Variants in GSK3B observed in about 807,000 individuals in gnomAD.
GSK3B encodes the protein glycogen synthase kinase-3 beta.
In GSK3B, 15 loss-of-function variants were observed where a neutral mutation model predicts 56.4. The ratio of observed to expected loss-of-function variants is 0.27; its 90% CI spans 0.18 to 0.41. The LOEUF (loss-of-function observed/expected upper bound fraction) is 0.41, where lower values mean the gene tolerates loss of function less well. GSK3B is among the 10% of genes least tolerant of loss of function. The pLI, the probability that GSK3B is intolerant of heterozygous loss-of-function variation, is 1.00. For synonymous variants in GSK3B, 181 were observed against 188.9 expected (o/e 0.96, Z 0.34); for missense variants, 300 against 513.4 (o/e 0.58, Z 4.02).
rs2055420702 is a variant in GSK3B at position 119,822,253 on chromosome 3, A to G, written c.*4535T>C. On this transcript the variant is annotated 3_prime_UTR_variant, in exon 11 of 11. Coordinates refer to ENST00000264235, the MANE Select transcript of GSK3B (RefSeq NM_001146156.2). ...ACAACCCACAGTCCTTTATATATAT[A>G]TATATATATATATAATAAATTTTGT... 1 of 169,430 alleles carries G rather than the reference A, an allele frequency of 5.9e-6. No homozygotes were observed. The highest frequency in any genetic ancestry group is 2.4e-5 in the African/African-American group (1 of 41,548). The allele number at this position is 169,430 out of a possible 1,614,324, so 10.5% of individuals were successfully genotyped here. A position where few individuals can be genotyped will look rare whatever the true frequency, so the allele number is the denominator to read the frequency against.
Position 119,823,929 on chromosome 3 carries a change from A to C in GSK3B, c.*2859T>G, listed in dbSNP as rs1000840832. On this transcript the variant is annotated 3_prime_UTR_variant, in exon 11 of 11. Coordinates refer to ENST00000264235, the MANE Select transcript of GSK3B (RefSeq NM_001146156.2). ...TAAAAAAGAACAAATTAAAAAAAAA[A>C]ACACATGGAAGCGAAGGCACTCCAA... 5 of 197,314 alleles carry C rather than the reference A, an allele frequency of 2.5e-5. No homozygotes were observed. The highest frequency in any genetic ancestry group is 4.2e-5 in the Non-Finnish European group (4 of 95,194). The allele number at this position is 197,314 out of a possible 1,614,324, so 12.2% of individuals were successfully genotyped here. A position where few individuals can be genotyped will look rare whatever the true frequency, so the allele number is the denominator to read the frequency against.
At chr3:119,995,162 C>CA (rs1365906440) in intron 2 of GSK3B, among the ~76,000 whole-genome samples, 2,634 of 67,672 alleles carry the variant, frequency 0.039, 84 homozygotes, top group African/African-American at 0.12. Context: ...ACTGTCTCTA[C>CA]AAAAAAAAAA....
chr3:120,006,719 G>A (rs1019870562), intron 1 of GSK3B, among the ~76,000 whole-genome samples: 1 of 152,100 alleles, frequency 6.6e-6, no homozygotes, highest in Admixed American at 6.6e-5. Context: ...AAACTAATGA[G>A]AACAAAGACA....
chr3:120,007,667 C>G (rs557349876), intron 1 of GSK3B, among the ~76,000 whole-genome samples: 47 of 152,250 alleles, frequency 3.1e-4, no homozygotes, highest in African/African-American at 1.1e-3. Context: ...TGACAAAAAC[C>G]ACATGATTAT....
intron 1 of GSK3B, among the ~76,000 whole-genome samples, chr3:120,053,774 T>G (rs775327779): frequency 1.3e-5 from 2 of 152,170 alleles, no homozygotes; most frequent in Non-Finnish European, 2.9e-5. Context: ...TTATGAGATC[T>G]GATGGTTTTA....
rs201917154 is a variant in GSK3B at position 119,979,393 on chromosome 3, C to T, written c.282+22653G>A. Among the ~76,000 whole-genome samples, 10 of 152,146 alleles carry T rather than the reference C, an allele frequency of 6.6e-5. No homozygotes were observed. The East Asian group carries it at 9.7e-4, about 15-fold the overall frequency. ...GATGAACCCTCTCTGTATTCTTATC[C>T]CCCTGCATCTGCTCCTAGCCTGTCC... On this transcript the variant is annotated intron_variant, in intron 2 of 10. Transcript: ENST00000264235.
chr3:119,831,424 G>A (rs1302410176), intron 10 of GSK3B, among the ~76,000 whole-genome samples: 2 of 152,136 alleles, frequency 1.3e-5, no homozygotes, highest in East Asian at 1.9e-4. Flanking sequence ...TTGGGAGGCC[G>A]AGGTGGGCGG....
At chr3:119,915,550 C>T (rs900812244) in intron 5 of GSK3B, among the ~76,000 whole-genome samples, 1 of 149,732 alleles carries the variant, frequency 6.7e-6, no homozygotes, top group African/African-American at 2.4e-5. Context: ...TGTGTGTGTA[C>T]ATATATATAT....
At chr3:119,937,994 C>T (rs899723269) in intron 3 of GSK3B, among the ~76,000 whole-genome samples, 3 of 150,568 alleles carry the variant, frequency 2.0e-5, no homozygotes, top group East Asian at 3.9e-4. Flanking sequence ...TACAAATAAT[C>T]GTATGTTAAC....
chr3:119,939,847 T>C (rs1308544343), intron 3 of GSK3B, among the ~76,000 whole-genome samples: 1 of 152,092 alleles, frequency 6.6e-6, no homozygotes, highest in African/African-American at 2.4e-5. Flanking sequence ...GGTAGAGATT[T>C]CTGGTTGGTA....
At chr3:119,966,912 T>C (rs1180758428) in intron 2 of GSK3B, among the ~76,000 whole-genome samples, 2 of 152,084 alleles carry the variant, frequency 1.3e-5, no homozygotes, top group African/African-American at 4.8e-5. Context: ...CATTCAGGAA[T>C]AAATTTAACA....
chr3:120,023,200 A>T (rs2057894004), intron 1 of GSK3B, among the ~76,000 whole-genome samples: 1 of 150,616 alleles, frequency 6.6e-6, no homozygotes, highest in Admixed American at 6.6e-5. Flanking sequence ...CATTGAACAC[A>T]TACTCATTTA....
In GSK3B at chr3:120,002,174, G is replaced by T. The variant is rs999399448; in HGVS notation, c.154C>A (p.Gln52Lys). ...ATPGQGPDRP[Q>K]EVSYTDTKVI... Reference sequence around the variant, plus strand: ...TTAGTGTCTGTATAGCTGACTTCTTGTGGCCTGTCTGGACCCTGCCCAGGA... The same window carrying T: ...TTAGTGTCTGTATAGCTGACTTCTTTTGGCCTGTCTGGACCCTGCCCAGGA... Residue 52 changes from glutamine (Q) to lysine (K), a missense_variant, in exon 2 of 11, where the codon CAA becomes AAA. Gln to Lys is a moderately conservative substitution (Grantham distance 53). Around this residue, in one of 6 missense-constraint regions of GSK3B, gnomAD observed 53 missense variants for 64.6 expected, o/e 0.82. Transcript: ENST00000264235. The T allele has an allele frequency of 4.3e-6, 7 of 1,610,142 alleles. No individual in the cohort carries two copies. The African/African-American group carries it at 9.4e-5, about 22-fold the overall frequency.
intron 10 of GSK3B, among the ~76,000 whole-genome samples, chr3:119,832,029 A>G (rs1194555510): frequency 2.0e-5 from 3 of 152,244 alleles, no homozygotes; most frequent in Non-Finnish European, 4.4e-5. Context: ...AATGCAGTCC[A>G]TTCCCACACT....
chr3:119,842,461 A>T (rs1053727087), intron 10 of GSK3B, among the ~76,000 whole-genome samples: 6 of 152,098 alleles, frequency 3.9e-5, no homozygotes, highest in Non-Finnish European at 8.8e-5. Context: ...TCTTGAAAAT[A>T]TTTGCCTCTC....
At chr3:119,971,634 C>T (rs1424703278) in intron 2 of GSK3B, among the ~76,000 whole-genome samples, 4 of 48,650 alleles carry the variant, frequency 8.2e-5, no homozygotes, top group African/African-American at 4.7e-4. Flanking sequence ...TTTTTTGAGA[C>T]GGAGTCTCGC....
At chr3:120,033,379 T>C (rs2057994299) in intron 1 of GSK3B, among the ~76,000 whole-genome samples, 1 of 152,240 alleles carries the variant, frequency 6.6e-6, no homozygotes, top group Non-Finnish European at 1.5e-5. Flanking sequence ...TCTATGTGTG[T>C]ATTTTAAGAA....
chr3:119,929,774 T>C (rs1016837430), intron 3 of GSK3B, among the ~76,000 whole-genome samples: 11 of 151,686 alleles, frequency 7.3e-5, no homozygotes, highest in African/African-American at 2.7e-4. Flanking sequence ...TGGTGGCGCA[T>C]GCCTGTAATC....
chr3:119,958,597 T>TA (rs1411751859), intron 2 of GSK3B, among the ~76,000 whole-genome samples: 1 of 152,058 alleles, frequency 6.6e-6, no homozygotes, highest in Non-Finnish European at 1.5e-5. Context: ...AGGATCACTT[T>TA]AACCAGGGAG....
Sources: gnomAD v4.1 joint callset for allele counts (sites outside exome capture counted in the v4.1 genomes callset) on GRCh38, gnomAD v4.1.1 for gene constraint, gnomAD v4.1.1 regional missense constraint, MANE v1.5 for transcripts, NCBI Gene and HGNC (gene_info 2026-07-23, HGNC 2026-07-21) for gene names.